CPNE8: variants seen among roughly 807,000 people sequenced by gnomAD.
CPNE8 encodes copine-8.
In CPNE8, 45 loss-of-function variants were observed where a neutral mutation model predicts 81.5. The ratio of observed to expected loss-of-function variants is 0.55; its 90% CI spans 0.44 to 0.71. The LOEUF (loss-of-function observed/expected upper bound fraction) is 0.71, where lower values mean the gene tolerates loss of function less well. Ranked by LOEUF, CPNE8 falls within the 30% of genes least tolerant of loss-of-function variation. The pLI is 0.00. For synonymous variants in CPNE8, 252 were observed against 226.3 expected (o/e 1.11, Z -1.02); for missense variants, 594 against 672.1 (o/e 0.88, Z 1.28).
intron 4 of CPNE8, among the ~76,000 whole-genome samples, chr12:38,843,219 G>A (rs1004989768): frequency 3.9e-5 from 6 of 152,080 alleles, no homozygotes; most frequent in Admixed American, 2.6e-4. Context: ...TTAGGATTAC[G>A]TTTTTGATTC....
intron 13 of CPNE8, among the ~76,000 whole-genome samples, chr12:38,723,212 A>C (rs1467360734): frequency 6.6e-6 from 1 of 152,200 alleles, no homozygotes; most frequent in Non-Finnish European, 1.5e-5. Context: ...TTCCCTATTT[A>C]TGAGGGTGTA....
At chr12:38,872,959 G>GT (rs1944013777) in intron 3 of CPNE8, 45 bp downstream of exon 3, 3 of 1,066,052 alleles carry the variant, frequency 2.8e-6, no homozygotes, top group Non-Finnish European at 4.3e-6. Flanking sequence ...ATAACTTACT[G>GT]TATCTTCAAG....
chr12:38,662,913 G>T (rs1938990791), intron 19 of CPNE8, among the ~76,000 whole-genome samples: 1 of 152,080 alleles, frequency 6.6e-6, no homozygotes. Context: ...TCATTAAATG[G>T]TGCTGGGATA....
intron 1 of CPNE8, among the ~76,000 whole-genome samples, chr12:38,899,352 G>A (rs372284599): frequency 9.0e-4 from 137 of 152,178 alleles, no homozygotes; most frequent in African/African-American, 3.2e-3. Context: ...CCATGTGAAA[G>A]TACAGTGAGA....
chr12:38,737,424 TTAAC>T (rs1225250607), intron 10 of CPNE8, among the ~76,000 whole-genome samples: 8 of 152,174 alleles, frequency 5.3e-5, no homozygotes, highest in East Asian at 3.8e-4. Flanking sequence ...AAATTTTACT[TTAAC>T]TATATAGCAC....
At chr12:38,688,396 C>T (rs1439215114) in intron 15 of CPNE8, among the ~76,000 whole-genome samples, 4 of 152,196 alleles carry the variant, frequency 2.6e-5, no homozygotes, top group Admixed American at 2.0e-4. Context: ...TTAGTATATG[C>T]TCTGGATTAT....
intron 15 of CPNE8, among the ~76,000 whole-genome samples, chr12:38,692,288 C>CA (rs1238803222): frequency 1.3e-5 from 2 of 150,268 alleles, no homozygotes; most frequent in African/African-American, 2.5e-5. Context: ...GGCTCTGTCT[C>CA]AAAAAAACAA....
At chr12:38,889,543 A>C (rs1003071366) in intron 1 of CPNE8, among the ~76,000 whole-genome samples, 2 of 152,112 alleles carry the variant, frequency 1.3e-5, no homozygotes, top group Non-Finnish European at 2.9e-5. Context: ...TGAGGCTGAA[A>C]ATTTAAGTCA....
At chr12:38,883,004 T>C (rs2137125189) in intron 1 of CPNE8, among the ~76,000 whole-genome samples, 1 of 152,282 alleles carries the variant, frequency 6.6e-6, no homozygotes, top group African/African-American at 2.4e-5. Context: ...TTCCCCCAGG[T>C]GCCCCATCAC....
intron 1 of CPNE8, among the ~76,000 whole-genome samples, chr12:38,879,351 A>ATT (rs938143042): frequency 6.0e-5 from 9 of 150,104 alleles, no homozygotes; most frequent in Non-Finnish European, 1.3e-4. Flanking sequence ...ACTACATCCC[A>ATT]TTTTTCTCCC....
chr12:38,871,615 G>T (rs117463182), intron 3 of CPNE8, among the ~76,000 whole-genome samples: 4,619 of 152,268 alleles, frequency 0.03, 108 homozygotes, highest in Middle Eastern at 0.058. Flanking sequence ...GAATAAAAAG[G>T]CTGGCTTATC....
At chr12:38,692,360 T>C (rs1027885484) in intron 15 of CPNE8, among the ~76,000 whole-genome samples, 1 of 151,698 alleles carries the variant, frequency 6.6e-6, no homozygotes, top group African/African-American at 2.4e-5. Flanking sequence ...AGAATACAGG[T>C]TGAGTATCCC....
chr12:38,857,254 A>G (rs1943756399), intron 3 of CPNE8, among the ~76,000 whole-genome samples: 4 of 152,160 alleles, frequency 2.6e-5, no homozygotes, highest in Admixed American at 2.6e-4. Flanking sequence ...CCTAATTAAA[A>G]TCATAACTAC....
intron 11 of CPNE8, among the ~76,000 whole-genome samples, chr12:38,729,487 G>C (rs551976404): frequency 6.6e-6 from 1 of 151,838 alleles, no homozygotes; most frequent in Non-Finnish European, 1.5e-5. Context: ...GCCTAACATA[G>C]AACATAAAAT....
intron 3 of CPNE8, among the ~76,000 whole-genome samples, chr12:38,862,877 A>G (rs1943858894): frequency 6.6e-6 from 1 of 152,186 alleles, no homozygotes; most frequent in South Asian, 2.1e-4. Context: ...TGAACCCAGG[A>G]GATGGAGGCT....
At chr12:38,807,204 T>C (rs9705482) in intron 6 of CPNE8, among the ~76,000 whole-genome samples, 102,215 of 148,594 alleles carry the variant, frequency 0.69, 38,464 homozygotes, top group Non-Finnish European at 0.85. Context: ...TCAATGCCAT[T>C]CCCATCAAGC....
chr12:38,895,129 G>T (rs908142177), intron 1 of CPNE8, among the ~76,000 whole-genome samples: 3 of 151,996 alleles, frequency 2.0e-5, no homozygotes, highest in Admixed American at 6.6e-5. Context: ...AATTAGCAAG[G>T]TAAGAAAAAA....
chr12:38,724,991 C>T, intron 11 of CPNE8, 92 bp from the exon 12 acceptor site: 1 of 1,106,644 alleles, frequency 9.0e-7, no homozygotes, highest in Non-Finnish European at 1.3e-6. Context: ...AACCTGCTGC[C>T]TTCCCTTCTT....
intron 14 of CPNE8, among the ~76,000 whole-genome samples, chr12:38,700,476 C>T (rs372566011): frequency 1.2e-4 from 18 of 152,148 alleles, no homozygotes; most frequent in East Asian, 7.8e-4. Context: ...CCATCCGCCT[C>T]GGCCTCCCAA....
Sources: gnomAD v4.1 joint callset for allele counts (sites outside exome capture counted in the v4.1 genomes callset) on GRCh38, gnomAD v4.1.1 for gene constraint, MANE v1.5 for transcripts, NCBI Gene and HGNC (gene_info 2026-07-23, HGNC 2026-07-21) for gene names.